ANKH: variants seen among roughly 807,000 people sequenced by gnomAD.
ANKH encodes ANKH inorganic pyrophosphate transport regulator.
ANKH carries 15 observed loss-of-function variants against 49.0 expected under a neutral mutation model. The observed-to-expected ratio is 0.31, with a 90% CI of 0.20 to 0.47. ANKH has a LOEUF of 0.47. ANKH is among the 20% of genes least tolerant of loss of function. The pLI is 1.00. For synonymous variants in ANKH, 273 were observed against 260.0 expected, an observed-to-expected ratio of 1.05 and a Z score of -0.48; for missense variants, 429 against 652.0, an observed-to-expected ratio of 0.66 and a Z score of 3.72.
At chr5:14,731,308 C>T (rs1044912415) in intron 8 of ANKH, among the ~76,000 whole-genome samples, 4 of 152,078 alleles carry the variant, frequency 2.6e-5, no homozygotes, top group East Asian at 1.9e-4. Flanking sequence ...TGGTACCAAA[C>T]AATGTGTCCA....
intron 1 of ANKH, among the ~76,000 whole-genome samples, chr5:14,776,281 T>C (rs1041102120): frequency 2.0e-5 from 3 of 152,154 alleles, no homozygotes; most frequent in African/African-American, 4.8e-5. Context: ...CAGCCTCATG[T>C]TGGATTTGAG....
intron 1 of ANKH, among the ~76,000 whole-genome samples, chr5:14,851,893 T>C (rs988431241): frequency 1.3e-5 from 2 of 152,246 alleles, no homozygotes; most frequent in Non-Finnish European, 2.9e-5. Flanking sequence ...ATTATTTCAA[T>C]TGAATGAAGG....
chr5:14,811,558 T>C (rs1740885425), intron 1 of ANKH, among the ~76,000 whole-genome samples: 1 of 152,252 alleles, frequency 6.6e-6, no homozygotes, highest in Admixed American at 6.5e-5. Context: ...TGTCCCCAAG[T>C]ACAAACAACC....
intron 1 of ANKH, among the ~76,000 whole-genome samples, chr5:14,811,414 C>T (rs112027319): frequency 0.016 from 2,422 of 152,218 alleles, 61 homozygotes; most frequent in African/African-American, 0.054. Context: ...TGCAACTGTA[C>T]GACGTCAGTG....
chr5:14,730,896 C>T (rs1323305772), intron 8 of ANKH, among the ~76,000 whole-genome samples: 1 of 152,184 alleles, frequency 6.6e-6, no homozygotes, highest in East Asian at 1.9e-4. Context: ...TGTGACCTGC[C>T]ACTTTGCAAT....
chr5:14,786,958 C>T (rs1580067658), intron 1 of ANKH, among the ~76,000 whole-genome samples: 1 of 152,296 alleles, frequency 6.6e-6, no homozygotes, highest in East Asian at 1.9e-4. Context: ...ATGGTTCATC[C>T]AGAGGGCAGA....
At chr5:14,744,467 G>A (rs115725151) in intron 7 of ANKH, among the ~76,000 whole-genome samples, 2,483 of 152,372 alleles carry the variant, frequency 0.016, 28 homozygotes, top group Non-Finnish European at 0.024. Flanking sequence ...GGGAAATAGA[G>A]GAGACAGGTG....
intron 1 of ANKH, among the ~76,000 whole-genome samples, chr5:14,820,210 T>C (rs1319441987): frequency 1.3e-5 from 2 of 152,222 alleles, no homozygotes; most frequent in Admixed American, 6.5e-5. Flanking sequence ...GTTCTAACCA[T>C]AGAGTTTACT....
chr5:14,716,674 A>G (rs765354253), intron 9 of ANKH, 32 bp downstream of exon 9: 8 of 1,613,164 alleles, frequency 5.0e-6, no homozygotes, highest in Non-Finnish European at 6.8e-6. Flanking sequence ...GAGGATAAAC[A>G]GGAATGCTTC....
intron 1 of ANKH, among the ~76,000 whole-genome samples, chr5:14,819,107 G>C: frequency 6.6e-6 from 1 of 152,136 alleles, no homozygotes; most frequent in Non-Finnish European, 1.5e-5. Context: ...CCCCTCGTCT[G>C]GCATGAATGG....
chr5:14,775,471 C>A (rs887067497), intron 1 of ANKH, among the ~76,000 whole-genome samples: 3 of 152,192 alleles, frequency 2.0e-5, no homozygotes, highest in African/African-American at 7.2e-5. Flanking sequence ...GCACAATTTT[C>A]AGACTGTGAT....
intron 2 of ANKH, among the ~76,000 whole-genome samples, chr5:14,759,779 A>G (rs1739014885): frequency 7.3e-6 from 1 of 137,084 alleles, no homozygotes; most frequent in South Asian, 2.9e-4. Flanking sequence ...AAGAAAAAAG[A>G]AGAGGAGAGG....
At chr5:14,858,492 C>T (rs1027919673) in intron 1 of ANKH, among the ~76,000 whole-genome samples, 14 of 152,046 alleles carry the variant, frequency 9.2e-5, no homozygotes, top group African/African-American at 2.4e-4. Context: ...CAAGGGGGTG[C>T]GGATCACAAG....
chr5:14,711,325 A>G lies in ANKH; in HGVS notation c.1366-15T>C, dbSNP rs557796867. 3.1e-6 allele frequency: 5 copies of G among 1,609,738 alleles called. No individual in the cohort carries two copies. The South Asian group carries it at 5.5e-5, about 18-fold the overall frequency. On this transcript the variant is annotated splice_polypyrimidine_tract_variant and intron_variant, in intron 11 of 11. Transcript: ENST00000284268. ...ATCTTCTTTTTCTAGACCAAAGAAG[A>G]CTCATCAGTGTGGGGCTGTGGATGG...
At chr5:14,711,610 G>A (rs933694835) in intron 11 of ANKH, among the ~76,000 whole-genome samples, 2 of 152,134 alleles carry the variant, frequency 1.3e-5, no homozygotes, top group African/African-American at 4.8e-5. Context: ...TGAGGGCTGC[G>A]CTCTCCCCGA....
chr5:14,710,741 CTGGGAAGCAAAT>C lies in ANKH; in HGVS notation c.*444_*455del, dbSNP rs1737143040. On this transcript the variant is annotated 3_prime_UTR_variant, in exon 12 of 12. Coordinates refer to ENST00000284268, the MANE Select transcript of ANKH (RefSeq NM_054027.6). ...TCCATCTCTTTGTACGGCCATGTGA[CTGGGAAGCAAAT>C]CAAAGGAAGCCGAGTTTTAACCTGT... The C allele has an allele frequency of 5.0e-6, 1 of 199,646 alleles. No individual in the cohort carries two copies. The highest frequency in any genetic ancestry group is 5.3e-5 in the Admixed American group (1 of 18,710). The allele number at this position is 199,646 out of a possible 1,614,324, so 12.4% of individuals were successfully genotyped here.
rs145190463 is a variant in ANKH at position 14,715,503 on chromosome 5, G to A, written c.1141+1203C>T. ...GTTTAATGATTTAGGTGGATCTTTTGGGGAAACCGATTTTTGACTAGGTGA... is the reference window on the plus strand; with the variant it reads ...GTTTAATGATTTAGGTGGATCTTTTAGGGAAACCGATTTTTGACTAGGTGA... On this transcript the variant is annotated intron_variant, in intron 9 of 11. Coordinates refer to ENST00000284268, the MANE Select transcript of ANKH (RefSeq NM_054027.6). Among the ~76,000 whole-genome samples the A allele has an allele frequency of 2.1e-3, 316 of 152,234 alleles. 2 individuals carry two copies. Among genetic ancestry groups the A allele is most frequent in the African/African-American group, 7.4e-3 (307 of 41,530 alleles).
chr5:14,785,633 G>A (rs114915244), intron 1 of ANKH, among the ~76,000 whole-genome samples: 1,700 of 152,192 alleles, frequency 0.011, 31 homozygotes, highest in African/African-American at 0.039. Flanking sequence ...AAACTAATAC[G>A]CCAGTTTAAA....
At chr5:14,812,303 G>A (rs1740909180) in intron 1 of ANKH, among the ~76,000 whole-genome samples, 1 of 151,924 alleles carries the variant, frequency 6.6e-6, no homozygotes, top group Admixed American at 6.6e-5. Flanking sequence ...AGATGTGTCT[G>A]ATGGGGACCA....
Sources: allele counts gnomAD v4.1 joint callset (sites outside exome capture counted in the v4.1 genomes callset), GRCh38; gene constraint gnomAD v4.1.1; transcripts MANE v1.5; gene names NCBI Gene and HGNC (gene_info 2026-07-23, HGNC 2026-07-21).